Variants in EPB41L4A observed in about 807,000 individuals in gnomAD.
EPB41L4A encodes the protein erythrocyte membrane protein band 4.1 like 4A.
In EPB41L4A, 100 loss-of-function variants were observed where a neutral mutation model predicts 108.6. The observed-to-expected ratio is 0.92, with a 90% CI of 0.78 to 1.09. The LOEUF is 1.09. EPB41L4A is among the 50% of genes least tolerant of loss of function. The pLI, the probability that EPB41L4A is intolerant of heterozygous loss-of-function variation, is 0.00. For synonymous variants in EPB41L4A, 319 were observed against 289.0 expected (o/e 1.10, Z -1.05); for missense variants, 1,030 against 842.7 (o/e 1.22, Z -2.75).
intron 18 of EPB41L4A, among the ~76,000 whole-genome samples, chr5:112,181,918 G>A (rs142049287): frequency 6.6e-6 from 1 of 151,824 alleles, no homozygotes; most frequent in African/African-American, 2.4e-5. Flanking sequence ...ACTGAAAATA[G>A]AAAAATTAGT....
intron 9 of EPB41L4A, among the ~76,000 whole-genome samples, chr5:112,244,273 C>T (rs1440432547): frequency 3.9e-5 from 6 of 152,100 alleles, no homozygotes; most frequent in South Asian, 4.1e-4. Flanking sequence ...CAATTAAGAT[C>T]GCTATCTTAC....
At chr5:112,259,472 T>A (rs1318334583) in intron 8 of EPB41L4A, among the ~76,000 whole-genome samples, 180 bp from the exon 9 acceptor site, 1 of 152,208 alleles carries the variant, frequency 6.6e-6, no homozygotes, top group Non-Finnish European at 1.5e-5. Context: ...TCCATTCTCA[T>A]TGTCCTATGC....
At chr5:112,157,574 T>C (rs1042164969) in intron 12 of EPB41L4A, among the ~76,000 whole-genome samples, 7 of 152,184 alleles carry the variant, frequency 4.6e-5, no homozygotes, top group Admixed American at 3.3e-4. Context: ...CTGCCCATAT[T>C]CTTTGGCTTG....
chr5:112,379,130 G>C (rs560707935), intron 1 of EPB41L4A, among the ~76,000 whole-genome samples: 1 of 152,132 alleles, frequency 6.6e-6, no homozygotes, highest in Non-Finnish European at 1.5e-5. Context: ...GAGCACCCTG[G>C]GGGGGTCAAG....
intron 9 of EPB41L4A, among the ~76,000 whole-genome samples, chr5:112,241,536 G>C (rs758274373): frequency 6.6e-6 from 1 of 152,094 alleles, no homozygotes. Context: ...AGCCAAACTT[G>C]AATCAAAAAT....
chr5:112,416,024 G>A (rs887785226), intron 1 of EPB41L4A, among the ~76,000 whole-genome samples: 12 of 151,648 alleles, frequency 7.9e-5, no homozygotes, highest in Non-Finnish European at 1.6e-4. Flanking sequence ...AAATTAAATG[G>A]AAATAAAATT....
At chr5:112,339,503 T>TAC (rs1477979933) in intron 1 of EPB41L4A, among the ~76,000 whole-genome samples, 2 of 44,554 alleles carry the variant, frequency 4.5e-5, no homozygotes, top group Non-Finnish European at 8.2e-5. Context: ...TATCTATATA[T>TAC]ATATATAGAT....
chr5:112,280,459 C>A, intron 2 of EPB41L4A, 136 bp from the exon 3 acceptor site: 1 of 750,834 alleles, frequency 1.3e-6, no homozygotes. Flanking sequence ...TATACACACA[C>A]AAACATACAT....
intron 1 of EPB41L4A, among the ~76,000 whole-genome samples, chr5:112,332,386 G>A (rs1327968300): frequency 1.3e-5 from 2 of 152,124 alleles, no homozygotes; most frequent in Non-Finnish European, 2.9e-5. Flanking sequence ...CTCCTCTTTT[G>A]TCTTTGTCAC....
intron 9 of EPB41L4A, among the ~76,000 whole-genome samples, chr5:112,251,684 G>A (rs962057049): frequency 1.3e-5 from 2 of 152,194 alleles, no homozygotes; most frequent in African/African-American, 4.8e-5. Context: ...GAAAATGGGA[G>A]TTGAGTTTTT....
intron 9 of EPB41L4A, among the ~76,000 whole-genome samples, chr5:112,250,037 T>C (rs1750548403): frequency 1.3e-5 from 2 of 152,096 alleles, no homozygotes; most frequent in Admixed American, 1.3e-4. Flanking sequence ...TTTTAAAAAA[T>C]TTTGAAACGT....
intron 1 of EPB41L4A, among the ~76,000 whole-genome samples, chr5:112,356,484 G>A (rs904326242): frequency 1.1e-4 from 16 of 152,278 alleles, no homozygotes; most frequent in African/African-American, 3.4e-4. Flanking sequence ...TTTCTAGAGC[G>A]AATCTAGCCT....
At chr5:112,209,586 T>C (rs1400791146) in intron 13 of EPB41L4A, among the ~76,000 whole-genome samples, 2 of 152,246 alleles carry the variant, frequency 1.3e-5, no homozygotes, top group African/African-American at 2.4e-5. Flanking sequence ...AGTTAGTCCA[T>C]TATATCATGC....
intron 1 of EPB41L4A, among the ~76,000 whole-genome samples, chr5:112,328,113 T>C (rs1441845425): frequency 6.6e-6 from 1 of 152,022 alleles, no homozygotes; most frequent in Non-Finnish European, 1.5e-5. Context: ...ATCGAGACCA[T>C]CCTGGCTAAC....
At position 112,404,041 on chromosome 5, in the gene EPB41L4A, G is replaced by A. The variant is rs559322823; in HGVS notation, c.99+14900C>T. On this transcript the variant is annotated intron_variant, in intron 1 of 22. Transcript: ENST00000261486. The stretch of plus-strand genomic sequence containing the variant: ...CATGCAATAAATCAGTTTTCTAATC[G>A]GCAAATGCAAATGTAAACATTAAGA... Among the ~76,000 whole-genome samples the A allele has an allele frequency of 6.6e-4, 100 of 152,234 alleles. 1 individual carries two copies. Among genetic ancestry groups the A allele is most frequent in the African/African-American group, 2.3e-3 (95 of 41,538 alleles).
chr5:112,271,534 G>C (rs906772433), intron 4 of EPB41L4A, among the ~76,000 whole-genome samples: 2 of 152,198 alleles, frequency 1.3e-5, no homozygotes, highest in East Asian at 1.9e-4. Flanking sequence ...TACAGAACTA[G>C]TGAATGACAA....
At chr5:112,287,023 C>T (rs193054709) in intron 2 of EPB41L4A, among the ~76,000 whole-genome samples, 18 of 152,312 alleles carry the variant, frequency 1.2e-4, no homozygotes, top group African/African-American at 4.1e-4. Flanking sequence ...TCCCGTCTCA[C>T]TGGCCACGTC....
At chr5:112,168,606 A>G (rs947732956) in intron 22 of EPB41L4A, 133 bp downstream of exon 22, 4 of 670,714 alleles carry the variant, frequency 6.0e-6, no homozygotes, top group Non-Finnish European at 1.0e-5. Context: ...CGTTCTTTTA[A>G]AATACAGAAT....
At chr5:112,239,239 T>C (rs1749593238) in intron 11 of EPB41L4A, among the ~76,000 whole-genome samples, 1 of 152,252 alleles carries the variant, frequency 6.6e-6, no homozygotes, top group Admixed American at 6.5e-5. Context: ...GCAGGCTTCA[T>C]GTTGCAGAAA....
Sources: allele counts gnomAD v4.1 joint callset (sites outside exome capture counted in the v4.1 genomes callset), GRCh38; gene constraint gnomAD v4.1.1; transcripts MANE v1.5; gene names NCBI Gene and HGNC (gene_info 2026-07-23, HGNC 2026-07-21).